Variants in MYO5B observed in about 807,000 individuals in gnomAD.
MYO5B encodes myosin VB.
In MYO5B, 143 loss-of-function variants were observed where a neutral mutation model predicts 229.3. That is an observed-to-expected ratio of 0.62 (90% CI 0.54 to 0.72). The LOEUF (loss-of-function observed/expected upper bound fraction) is 0.72. Ranked by LOEUF, MYO5B falls within the 30% of genes least tolerant of loss-of-function variation. The probability of loss-of-function intolerance (pLI) is 0.00; values close to 1 mark genes in which losing one functional copy is unlikely to be tolerated. For missense variants in MYO5B, 2,321 were observed against 2,331.0 expected, an observed-to-expected ratio of 1.00 and a Z score of 0.09; for synonymous variants, 918 against 885.2, an observed-to-expected ratio of 1.04 and a Z score of -0.66.
chr18:49,895,237 A>G lies in MYO5B; in HGVS notation c.2812-63T>C, dbSNP rs760768143. On this transcript the variant is annotated intron_variant, in intron 21 of 39. Coordinates refer to ENST00000285039, the MANE Select transcript of MYO5B (RefSeq NM_001080467.3). ...AAGTGGGGGAAGAAAAGGTTATTTT[A>G]CCAGGGAAAAAGCATGAAGGCAATC... 240 of 1,411,108 alleles carry G rather than the reference A, an allele frequency of 1.7e-4. 1 individual carries two copies. The highest frequency in any genetic ancestry group is 1.7e-3 in the Admixed American group (97 of 58,336). 87.4% of individuals were successfully genotyped at this position (1,411,108 alleles called of 1,614,324 possible). A position where few individuals can be genotyped will look rare whatever the true frequency, so the allele number is the denominator to read the frequency against.
intron 22 of MYO5B, 24 bp from the exon 23 acceptor site, chr18:49,880,479 A>G (rs2024574462): frequency 6.3e-6 from 10 of 1,586,332 alleles, no homozygotes; most frequent in Non-Finnish European, 8.7e-6. Context: ...ATAGGGGAAA[A>G]ATGTCTCATG....
chr18:50,167,094 C>T (rs67491561), intron 1 of MYO5B, among the ~76,000 whole-genome samples: 18,373 of 152,220 alleles, frequency 0.12, 1,160 homozygotes, highest in East Asian at 0.23. Context: ...AGCAACTGCC[C>T]CTCTGGCAAG....
At chr18:50,134,027 TATATAG>T (rs1343628476) in intron 1 of MYO5B, among the ~76,000 whole-genome samples, 1 of 152,166 alleles carries the variant, frequency 6.6e-6, no homozygotes, top group Non-Finnish European at 1.5e-5. Context: ...AGATACAAGA[TATATAG>T]ATATAGAGTA....
chr18:49,960,029 C>G (rs1321248515), intron 12 of MYO5B, among the ~76,000 whole-genome samples: 1 of 152,102 alleles, frequency 6.6e-6, no homozygotes, highest in Non-Finnish European at 1.5e-5. Context: ...TCTGCACTCT[C>G]CTCTGCAGCT....
chr18:50,065,487 A>C (rs922701623), intron 1 of MYO5B, among the ~76,000 whole-genome samples: 4 of 152,192 alleles, frequency 2.6e-5, no homozygotes, highest in Admixed American at 6.5e-5. Flanking sequence ...GCAGGAAAAG[A>C]AAAAGTGCAG....
chr18:49,869,142 A>T (rs942447117), intron 27 of MYO5B, among the ~76,000 whole-genome samples: 1 of 152,134 alleles, frequency 6.6e-6, no homozygotes, highest in Non-Finnish European at 1.5e-5. Context: ...TAGAGTCTAT[A>T]ATTTTGGAGG....
At chr18:49,918,862 A>G (rs2025045610) in intron 17 of MYO5B, among the ~76,000 whole-genome samples, 1 of 152,222 alleles carries the variant, frequency 6.6e-6, no homozygotes, top group Non-Finnish European at 1.5e-5. Context: ...TTTCCCTTGG[A>G]AGTGTACTAG....
rs551832065 is a variant in MYO5B, at chr18:50,137,892, T to C, written c.27+56875A>G. The stretch of plus-strand genomic sequence containing the variant: ...AAAAATGCAGGAACAGAAAATCAAA[T>C]ACCATATGTTCTCACTTATAAATGG... On this transcript the variant is annotated intron_variant, in intron 1 of 39. Transcript: ENST00000285039. Among the ~76,000 whole-genome samples the C allele has an allele frequency of 1.2e-4, 19 of 152,216 alleles. No individual in the cohort carries two copies. The South Asian group carries it at 4.0e-3, about 32-fold the overall frequency.
At chr18:50,183,339 C>CTATATATATATA (rs1555667483) in intron 1 of MYO5B, among the ~76,000 whole-genome samples, 1 of 110,210 alleles carries the variant, frequency 9.1e-6, no homozygotes, top group Non-Finnish European at 1.9e-5. Context: ...ATATATATAT[C>CTATATATATATA]TCCTTCAATA....
At chr18:50,188,785 TAAAAAAAAA>T (rs4042094) in intron 1 of MYO5B, among the ~76,000 whole-genome samples, 21 of 105,140 alleles carry the variant, frequency 2.0e-4, no homozygotes, top group African/African-American at 6.1e-4. Context: ...GACTCTGTCA[TAAAAAAAAA>T]AAAAAAAAAA....
intron 14 of MYO5B, chr18:49,946,253 TC>T (rs2025371966): frequency 6.6e-6 from 1 of 152,166 alleles, no homozygotes; most frequent in African/African-American, 2.4e-5. Context: ...TGGTTGAGCA[TC>T]CCTAATCTGA....
intron 1 of MYO5B, among the ~76,000 whole-genome samples, chr18:50,059,273 G>C (rs1408742469): frequency 6.6e-6 from 1 of 152,200 alleles, no homozygotes; most frequent in African/African-American, 2.4e-5. Flanking sequence ...TAAGTACCAT[G>C]TAACAAAGTA....
At chr18:49,930,756 G>A (rs2025180721) in intron 16 of MYO5B, among the ~76,000 whole-genome samples, 1 of 152,078 alleles carries the variant, frequency 6.6e-6, no homozygotes, top group South Asian at 2.1e-4. Flanking sequence ...GCTGGGCGTG[G>A]TGGTGGGTGC....
At chr18:50,104,284 ATATATATC>A (rs2031714438) in intron 1 of MYO5B, among the ~76,000 whole-genome samples, 1 of 145,548 alleles carries the variant, frequency 6.9e-6, no homozygotes. Flanking sequence ...ATATATATAT[ATATATATC>A]TCATAAATCT....
At chr18:50,087,073 T>C (rs1347317375) in intron 1 of MYO5B, among the ~76,000 whole-genome samples, 3 of 152,196 alleles carry the variant, frequency 2.0e-5, no homozygotes, top group Non-Finnish European at 2.9e-5. Flanking sequence ...GTAACCACCA[T>C]GCCATGGACA....
intron 16 of MYO5B, among the ~76,000 whole-genome samples, chr18:49,932,380 G>A (rs75982916): frequency 0.011 from 1,608 of 152,306 alleles, 20 homozygotes; most frequent in African/African-American, 0.036. Flanking sequence ...GAAGGCACCT[G>A]GCACAGAGTT....
chr18:50,041,186 C>T (rs2030005352), intron 2 of MYO5B, among the ~76,000 whole-genome samples: 1 of 152,134 alleles, frequency 6.6e-6, no homozygotes, highest in African/African-American at 2.4e-5. Context: ...ACCTACTTAT[C>T]AGGAATTCTG....
chr18:50,004,103 G>C (rs1027385312), intron 4 of MYO5B, among the ~76,000 whole-genome samples: 10 of 152,214 alleles, frequency 6.6e-5, no homozygotes, highest in African/African-American at 2.4e-4. Flanking sequence ...GGAGTGACTG[G>C]AAAGTCATGC....
chr18:49,926,766 G>C (rs1325385238), intron 17 of MYO5B, among the ~76,000 whole-genome samples: 1 of 152,172 alleles, frequency 6.6e-6, no homozygotes, highest in Non-Finnish European at 1.5e-5. Flanking sequence ...ATATTCAAAA[G>C]TTAAAGGAGT....
Sources: gnomAD v4.1 joint callset for allele counts (sites outside exome capture counted in the v4.1 genomes callset) on GRCh38, gnomAD v4.1.1 for gene constraint, MANE v1.5 for transcripts, NCBI Gene and HGNC (gene_info 2026-07-23, HGNC 2026-07-21) for gene names.